PABPC4L: variants seen among roughly 807,000 people sequenced by gnomAD.
PABPC4L encodes polyadenylate-binding protein 4-like.
For missense variants in PABPC4L, 452 were observed against 451.4 expected (o/e 1.00, Z -0.01); for synonymous variants, 169 against 164.1 (o/e 1.03, Z -0.23).
chr4:133,982,902 T>C, the PABPC4L span, among the ~76,000 whole-genome samples: 4 of 152,026 alleles, frequency 2.6e-5, no homozygotes, highest in Non-Finnish European at 4.4e-5. Context: ...CTATAAAATA[T>C]GTATATACAT....
At position 134,200,555 on chromosome 4, in the gene PABPC4L, C is replaced by T. The variant is rs900856016; in HGVS notation, c.465G>A (p.Glu155=). ...QNQSAADRAI[E]EMNGKLLKGC... ...CCTTGAGTAGTTTTCCATTCATCTC[C>T]TCAATGGCCCTGTCTGCAGCACTCT... is the stretch of plus-strand genomic sequence containing the variant. The change falls in exon 2 of 2, where the codon GAG becomes GAA. Residue 155 remains glutamate (E), a synonymous_variant. Coordinates refer to ENST00000421491, the MANE Select transcript of PABPC4L (RefSeq NM_001114734.2). 8.4e-6 allele frequency: 13 copies of T among 1,551,522 alleles called. No homozygotes were observed. Among genetic ancestry groups the T allele is most frequent in the Non-Finnish European group, 1.1e-5 (13 of 1,146,984 alleles).
chr4:134,154,366 G>T, the PABPC4L span, among the ~76,000 whole-genome samples: 1 of 151,950 alleles, frequency 6.6e-6, no homozygotes, highest in Non-Finnish European at 1.5e-5. Flanking sequence ...TGAGGCACGA[G>T]AATTGTCTGA....
chr4:134,135,987 A>T, the PABPC4L span, among the ~76,000 whole-genome samples: 1 of 152,114 alleles, frequency 6.6e-6, no homozygotes, highest in Non-Finnish European at 1.5e-5. Context: ...TAAAAATAGC[A>T]TCTTTCCATT....
At chr4:134,095,098 T>C in the PABPC4L span, among the ~76,000 whole-genome samples, 3 of 151,816 alleles carry the variant, frequency 2.0e-5, no homozygotes, top group African/African-American at 7.2e-5. Context: ...TCTTATAATG[T>C]TTCCATATTC....
chr4:134,051,756 A>G, the PABPC4L span, among the ~76,000 whole-genome samples: 107,018 of 151,858 alleles, frequency 0.7, 38,115 homozygotes, highest in East Asian at 0.95. Flanking sequence ...TAGCCTCTCT[A>G]GAATAAAGGA....
At chr4:134,167,797 T>A in the PABPC4L span, among the ~76,000 whole-genome samples, 1 of 152,088 alleles carries the variant, frequency 6.6e-6, no homozygotes, top group Non-Finnish European at 1.5e-5. Context: ...AAAACAAATA[T>A]TATCTGAGGT....
chr4:134,038,203 G>A, the PABPC4L span, among the ~76,000 whole-genome samples: 1 of 152,248 alleles, frequency 6.6e-6, no homozygotes, highest in African/African-American at 2.4e-5. Flanking sequence ...GCTTTTTGAT[G>A]TGCTGCTGGA....
chr4:134,012,095 AT>A, the PABPC4L span, among the ~76,000 whole-genome samples: 7 of 152,044 alleles, frequency 4.6e-5, no homozygotes, highest in African/African-American at 1.7e-4. Flanking sequence ...CTGGTTTGAA[AT>A]GCTGGTTTCA....
At chr4:134,089,178 G>A in the PABPC4L span, among the ~76,000 whole-genome samples, 1 of 151,960 alleles carries the variant, frequency 6.6e-6, no homozygotes, top group Non-Finnish European at 1.5e-5. Context: ...AGCAATTTTT[G>A]TAAATGTTTT....
chr4:133,967,326 C>T, the PABPC4L span, among the ~76,000 whole-genome samples: 8 of 151,654 alleles, frequency 5.3e-5, no homozygotes, highest in Non-Finnish European at 1.2e-4. Flanking sequence ...AACAAACAAA[C>T]AAACAAAAAA....
the PABPC4L span, among the ~76,000 whole-genome samples, chr4:134,022,841 T>C: frequency 6.6e-6 from 1 of 152,018 alleles, no homozygotes; most frequent in Non-Finnish European, 1.5e-5. Flanking sequence ...GGGGAATGTT[T>C]TGTTTGCTTA....
chr4:133,993,227 T>G, the PABPC4L span, among the ~76,000 whole-genome samples: 4 of 152,188 alleles, frequency 2.6e-5, no homozygotes, highest in Non-Finnish European at 4.4e-5. Flanking sequence ...CTTACTCATA[T>G]TCCCCCTTTT....
chr4:133,993,294 C>T, the PABPC4L span, among the ~76,000 whole-genome samples: 1 of 151,930 alleles, frequency 6.6e-6, no homozygotes, highest in Admixed American at 6.6e-5. Flanking sequence ...GTGGCCTGTC[C>T]TTGGGGGATA....
the PABPC4L span, among the ~76,000 whole-genome samples, chr4:134,089,265 A>T: frequency 6.6e-6 from 1 of 151,958 alleles, no homozygotes; most frequent in East Asian, 1.9e-4. Context: ...AATAGTATTT[A>T]TTTTTAAAGC....
At chr4:134,064,068 A>C in the PABPC4L span, among the ~76,000 whole-genome samples, 1 of 152,066 alleles carries the variant, frequency 6.6e-6, no homozygotes, top group Admixed American at 6.6e-5. Flanking sequence ...ACACATGCAT[A>C]AAGAAAATAA....
At chr4:134,078,209 T>G in the PABPC4L span, among the ~76,000 whole-genome samples, 30 of 152,184 alleles carry the variant, frequency 2.0e-4, no homozygotes, top group African/African-American at 6.5e-4. Context: ...TAGAATTAGT[T>G]CACCCATGTT....
At chr4:133,952,269 T>C in the PABPC4L span, among the ~76,000 whole-genome samples, 20 of 152,226 alleles carry the variant, frequency 1.3e-4, no homozygotes, top group South Asian at 3.7e-3. Context: ...CTCCCAGTTA[T>C]GAGATTTTCC....
chr4:133,962,084 G>C, the PABPC4L span, among the ~76,000 whole-genome samples: 1 of 152,176 alleles, frequency 6.6e-6, no homozygotes, highest in African/African-American at 2.4e-5. Context: ...AAAAGGGAGA[G>C]AGTTCTACAT....
the PABPC4L span, among the ~76,000 whole-genome samples, chr4:134,170,265 A>G: frequency 6.6e-6 from 1 of 152,126 alleles, no homozygotes; most frequent in East Asian, 1.9e-4. Flanking sequence ...GTAGTATTCC[A>G]TAATGTATAC....
Sources: allele counts gnomAD v4.1 joint callset (sites outside exome capture counted in the v4.1 genomes callset), GRCh38; gene constraint gnomAD v4.1.1; transcripts MANE v1.5; gene names NCBI Gene and HGNC (gene_info 2026-07-23, HGNC 2026-07-21).